MAK: variants seen among roughly 807,000 people sequenced by gnomAD.
MAK encodes the protein serine/threonine-protein kinase MAK.
Under a neutral mutation model 82.6 loss-of-function variants are expected in MAK, and 65 were observed. The observed-to-expected ratio is 0.79, with a 90% CI of 0.64 to 0.97. The LOEUF is 0.97. Ranked by LOEUF, MAK falls within the 50% of genes least tolerant of loss-of-function variation. The pLI is 0.00. For missense variants in MAK, 703 were observed against 780.2 expected, an observed-to-expected ratio of 0.90 and a Z score of 1.18; for synonymous variants, 250 against 274.2, an observed-to-expected ratio of 0.91 and a Z score of 0.87.
At position 10,776,921 on chromosome 6, in the gene MAK, C is replaced by T. The variant is rs916389228; in HGVS notation, c.1466-1462G>A. ...CCAACATAGTGAAACCCCATCTCTACTAAAAACACAAAAATTAGCCAGGCA... is the reference window on the plus strand; with the variant it reads ...CCAACATAGTGAAACCCCATCTCTATTAAAAACACAAAAATTAGCCAGGCA... On this transcript the variant is annotated intron_variant, in intron 11 of 14. Transcript: ENST00000354489. This position sits in a 1 kb window ranked among gnomAD's most constrained non-coding sequence, Gnocchi z 4.3. Among the ~76,000 whole-genome samples the T allele has an allele frequency of 1.3e-5, 2 of 151,372 alleles. No individual in the cohort carries two copies. The highest frequency in any genetic ancestry group is 2.4e-5 in the African/African-American group (1 of 41,178).
chr6:10,819,246 T>C (rs1184044661), intron 2 of MAK, among the ~76,000 whole-genome samples: 1 of 152,232 alleles, frequency 6.6e-6, no homozygotes, highest in African/African-American at 2.4e-5. Flanking sequence ...AGATTCTCTC[T>C]TTTTAGAACT....
Position 10,830,743 on chromosome 6 carries a change from T to G in MAK, c.-95A>C. On this transcript the variant is annotated 5_prime_UTR_variant, in exon 2 of 15. The change abolishes the stop of an existing upstream ORF in the 5' untranslated region. Transcript: ENST00000354489. ...TCTTAATTTTTATTTGCTTTTGTCC[T>G]CACACTGTTGTTGCTACACTGGTGA... 1 of 954,012 alleles carries G rather than the reference T, an allele frequency of 1.0e-6. No homozygotes were observed. Among genetic ancestry groups the G allele is most frequent in the Admixed American group, 1.9e-5 (1 of 53,782 alleles). 59.1% of individuals were successfully genotyped at this position (954,012 alleles called of 1,614,324 possible). A position where few individuals can be genotyped will look rare whatever the true frequency, so the allele number is the denominator to read the frequency against.
intron 11 of MAK, among the ~76,000 whole-genome samples, chr6:10,783,837 G>A (rs182240280): frequency 3.0e-4 from 46 of 152,226 alleles, no homozygotes; most frequent in East Asian, 2.5e-3. Flanking sequence ...CGGCTAACAC[G>A]GTGAAACACC....
At chr6:10,805,402 A>G (rs1049871881) in intron 6 of MAK, among the ~76,000 whole-genome samples, 1 of 152,036 alleles carries the variant, frequency 6.6e-6, no homozygotes, top group African/African-American at 2.4e-5. Flanking sequence ...CCTGGCCAAC[A>G]TGGTGAAACC....
intron 11 of MAK, among the ~76,000 whole-genome samples, chr6:10,783,909 C>T (rs1232634851): frequency 1.3e-5 from 2 of 152,052 alleles, no homozygotes; most frequent in Non-Finnish European, 2.9e-5. Flanking sequence ...GTCCCAGCTA[C>T]TCGGGAGGCT....
At chr6:10,770,280 A>C in intron 13 of MAK, 50 bp from the exon 14 acceptor site, 1 of 1,605,508 alleles carries the variant, frequency 6.2e-7, no homozygotes. Flanking sequence ...TATTTTAGGC[A>C]CAGTAGAATA....
chr6:10,784,716 T>C (rs1325956896), intron 10 of MAK, 144 bp from the exon 11 acceptor site: 1 of 761,572 alleles, frequency 1.3e-6, no homozygotes, highest in African/African-American at 1.7e-5. Context: ...GTCTTTTGGC[T>C]AAGTGACAAC....
chr6:10,806,505 ATTTTT>A (rs70991049), intron 6 of MAK, among the ~76,000 whole-genome samples: 64 of 117,124 alleles, frequency 5.5e-4, no homozygotes, highest in African/African-American at 2.1e-3. Flanking sequence ...CACCCGTCTA[ATTTTT>A]TTTTTTTTTT....
At chr6:10,781,926 G>A (rs1231784113) in intron 11 of MAK, among the ~76,000 whole-genome samples, 1 of 151,960 alleles carries the variant, frequency 6.6e-6, no homozygotes, top group African/African-American at 2.4e-5. Flanking sequence ...AATATTATAG[G>A]GCTGGGTGTT....
At chr6:10,824,732 A>G (rs972232024) in intron 2 of MAK, among the ~76,000 whole-genome samples, 4 of 151,954 alleles carry the variant, frequency 2.6e-5, no homozygotes, top group Non-Finnish European at 4.4e-5. Flanking sequence ...TTTCTTAACA[A>G]CTCAGTAACT....
At chr6:10,813,112 ATATATATATATATATATATATAAAT>A (rs1777117941) in intron 5 of MAK, among the ~76,000 whole-genome samples, 6 of 2,416 alleles carry the variant, frequency 2.5e-3, no homozygotes, top group Non-Finnish European at 7.5e-3. Flanking sequence ...ATATATATAT[ATATATATATATATATATATATAAAT>A]TTTTTTTTTT....
chr6:10,764,401 A>G lies in MAK; in HGVS notation c.*51T>C, dbSNP rs560376669. On this transcript the variant is annotated 3_prime_UTR_variant, in exon 15 of 15. Coordinates refer to ENST00000354489, the MANE Select transcript of MAK (RefSeq NM_001242957.3). The stretch of plus-strand genomic sequence containing the variant: ...TGTAGACATTTCCCAGGGTCAAGGA[A>G]CTTGCACGTACTCTACGGAGCAATG... The G allele has an allele frequency of 1.9e-6, 3 of 1,582,008 alleles. No individual in the cohort carries two copies. The highest frequency in any genetic ancestry group is 2.2e-5 in the East Asian group (1 of 44,702).
chr6:10,783,721 A>C (rs1035958858), intron 11 of MAK, among the ~76,000 whole-genome samples: 2 of 152,120 alleles, frequency 1.3e-5, no homozygotes, highest in Non-Finnish European at 2.9e-5. Flanking sequence ...AGAATCTTTT[A>C]AAAATATACA....
At chr6:10,806,361 C>T (rs1776455236) in intron 6 of MAK, among the ~76,000 whole-genome samples, 1 of 92,668 alleles carries the variant, frequency 1.1e-5, no homozygotes, top group Non-Finnish European at 2.5e-5. Context: ...CAGAGTCTTG[C>T]TCTGTCACCC....
intron 9 of MAK, among the ~76,000 whole-genome samples, chr6:10,794,241 C>G (rs943127073): frequency 2.0e-5 from 3 of 152,146 alleles, no homozygotes; most frequent in African/African-American, 7.2e-5. Context: ...CTCCCCAGGA[C>G]CCCAGAGGTG....
intron 12 of MAK, 51 bp from the exon 13 acceptor site, chr6:10,773,159 A>C (rs1773170443): frequency 1.9e-6 from 2 of 1,051,188 alleles, no homozygotes; most frequent in Non-Finnish European, 2.7e-6. Context: ...AGAATGTTAT[A>C]GGAAAAGCAG....
At chr6:10,803,582 A>G (rs960455583) in intron 7 of MAK, 138 bp downstream of exon 7, 5 of 690,248 alleles carry the variant, frequency 7.2e-6, no homozygotes, top group Non-Finnish European at 2.4e-6. Flanking sequence ...TTAATCATTA[A>G]AGTATGAGCC....
chr6:10,768,217 TATA>T (rs1365838696), intron 14 of MAK, among the ~76,000 whole-genome samples: 1 of 152,182 alleles, frequency 6.6e-6, no homozygotes, highest in African/African-American at 2.4e-5. Flanking sequence ...ACTCTTGATT[TATA>T]AGAGTAGATA....
intron 9 of MAK, among the ~76,000 whole-genome samples, chr6:10,794,481 G>A (rs1212461546): frequency 6.6e-6 from 1 of 152,166 alleles, no homozygotes; most frequent in Non-Finnish European, 1.5e-5. Flanking sequence ...ATTGGGGGAC[G>A]AGGAGGCCTT....
Sources: gnomAD v4.1 joint callset for allele counts (sites outside exome capture counted in the v4.1 genomes callset) on GRCh38, gnomAD v4.1.1 for gene constraint, Gnocchi (gnomAD v3.1) non-coding constraint, MANE v1.5 for transcripts, NCBI Gene and HGNC (gene_info 2026-07-23, HGNC 2026-07-21) for gene names.